The following TXNRD3 variants were observed in gnomAD, a reference collection of about 807,000 sequenced individuals.
The protein encoded by TXNRD3 is thioredoxin reductase 3.
A neutral mutation model predicts 78.2 loss-of-function variants in TXNRD3; 68 were observed. The observed-to-expected ratio is 0.87, with a 90% confidence interval of 0.72 to 1.06. The LOEUF (loss-of-function observed/expected upper bound fraction) is 1.06, where lower values mean the gene tolerates loss of function less well. TXNRD3 is among the 50% of genes least tolerant of loss of function. The probability of loss-of-function intolerance (pLI) is 0.00; values close to 1 mark genes in which losing one functional copy is unlikely to be tolerated. For synonymous variants in TXNRD3, 296 were observed against 300.1 expected (o/e 0.99, Z 0.14); for missense variants, 751 against 809.5 (o/e 0.93, Z 0.88).
chr3:126,628,424 A>T (rs565223911), intron 10 of TXNRD3, among the ~76,000 whole-genome samples: 6 of 152,244 alleles, frequency 3.9e-5, no homozygotes, highest in African/African-American at 1.4e-4. Flanking sequence ...ATGTGTACAC[A>T]GGAAATCTGA....
At chr3:126,622,954 G>C (rs534870488) in intron 10 of TXNRD3, among the ~76,000 whole-genome samples, 2 of 152,264 alleles carry the variant, frequency 1.3e-5, no homozygotes, top group African/African-American at 4.8e-5. Context: ...GACACAAGGA[G>C]AAGACAGTCA....
chr3:126,634,135 T>G, intron 6 of TXNRD3, 84 bp from the exon 7 acceptor site: 2 of 1,208,220 alleles, frequency 1.7e-6, no homozygotes, highest in Non-Finnish European at 2.1e-6. Flanking sequence ...TGAGCCATAC[T>G]AACAGTGCTT....
intron 10 of TXNRD3, among the ~76,000 whole-genome samples, chr3:126,625,433 G>T (rs36164839): frequency 0.2 from 30,232 of 150,972 alleles, 3,262 homozygotes; most frequent in Admixed American, 0.29. Flanking sequence ...GCAACAGTTT[G>T]CTCAGAATGA....
At chr3:126,612,811 C>G (rs1370809860) in intron 13 of TXNRD3, among the ~76,000 whole-genome samples, 4 of 152,240 alleles carry the variant, frequency 2.6e-5, no homozygotes, top group African/African-American at 9.6e-5. Context: ...ATTCAACTTC[C>G]AACTTTACAT....
chr3:126,647,927 T>A (rs930032757), intron 1 of TXNRD3, among the ~76,000 whole-genome samples: 12 of 152,284 alleles, frequency 7.9e-5, no homozygotes, highest in African/African-American at 2.9e-4. Flanking sequence ...AGTTAAATTA[T>A]CTCTGTTCAC....
chr3:126,614,958 G>A (rs1241756605), intron 13 of TXNRD3, among the ~76,000 whole-genome samples: 1 of 152,104 alleles, frequency 6.6e-6, no homozygotes, highest in Non-Finnish European at 1.5e-5. Flanking sequence ...ATAAAGGTGT[G>A]TAGAGGGCGT....
At chr3:126,631,986 C>A in intron 7 of TXNRD3, 107 bp from the exon 8 acceptor site, 1 of 689,452 alleles carries the variant, frequency 1.5e-6, no homozygotes, top group Admixed American at 2.5e-5. Flanking sequence ...ACAGCAACAG[C>A]AGACATGTGA....
At chr3:126,621,940 A>G in intron 11 of TXNRD3, 42 bp from the exon 12 acceptor site, 1 of 1,420,364 alleles carries the variant, frequency 7.0e-7, no homozygotes, top group East Asian at 2.6e-5. Flanking sequence ...ATTACAACTC[A>G]CTCTACACTG....
At chr3:126,621,651 T>G in intron 12 of TXNRD3, 91 bp downstream of exon 12, 1 of 1,259,540 alleles carries the variant, frequency 7.9e-7, no homozygotes, top group Non-Finnish European at 1.1e-6. Flanking sequence ...AACCCTTTAC[T>G]TGGAAAACAG....
chr3:126,611,052 G>A lies in TXNRD3; in HGVS notation c.1713C>T (p.Cys571=). 1 of 1,515,192 alleles carries A rather than the reference G, an allele frequency of 6.6e-7. No homozygotes were observed. Among genetic ancestry groups the A allele is most frequent in the Non-Finnish European group, 8.8e-7 (1 of 1,135,682 alleles). 93.9% of individuals were successfully genotyped at this position (1,515,192 alleles called of 1,614,324 possible). ...TATTACATACATGGTCGAATTTATT[G>A]CAGATTATCTTTGCATAACAAGTGT... is the stretch of plus-strand genomic sequence containing the variant. Residue 571 remains cysteine (C), a synonymous_variant, in exon 14 of 16, where the codon TGC becomes TGT. Coordinates refer to ENST00000524230, the MANE Select transcript of TXNRD3 (RefSeq NM_052883.3).
rs1251955593 is a variant in TXNRD3, at chr3:126,607,434, CTG to C, written c.*469_*470del. The C allele has an allele frequency of 6.6e-6, 1 of 152,454 alleles. No homozygotes were observed. The highest frequency in any genetic ancestry group is 2.4e-5 in the African/African-American group (1 of 41,472). The allele number at this position is 152,454 out of a possible 1,614,324, so 9.4% of individuals were successfully genotyped here. ...TGCAGCCCACAGCAGCCCACAGACA[CTG>C]TTCACCAGTGAGCATGTGTGAATTC... On this transcript the variant is annotated 3_prime_UTR_variant, in exon 16 of 16. Transcript: ENST00000524230.
Position 126,608,594 on chromosome 3 carries a change from C to T in TXNRD3, c.1768G>A (p.Gly590Ser), listed in dbSNP as rs867335291. ...GCTGCAAATCCTTGGGTAACCTCAC[C>T]GGCGTTTGGTCCAAGAATATGAAAT... The change falls in exon 15 of 16, where the codon GGT (glycine) becomes AGT (serine). Residue 590 changes from glycine to serine, a missense_variant. Coordinates refer to ENST00000524230, the MANE Select transcript of TXNRD3 (RefSeq NM_052883.3). 5.2e-6 allele frequency: 8 copies of T among 1,535,814 alleles called. No individual in the cohort carries two copies. The highest frequency in any genetic ancestry group is 1.4e-5 in the African/African-American group (1 of 73,112).
chr3:126,650,771 C>G (rs1002892965), intron 1 of TXNRD3, among the ~76,000 whole-genome samples: 1 of 152,174 alleles, frequency 6.6e-6, no homozygotes, highest in African/African-American at 2.4e-5. Flanking sequence ...CGTTATCTAT[C>G]TTTGCTGATA....
intron 10 of TXNRD3, chr3:126,625,122 A>T (rs1373494524): frequency 6.5e-6 from 1 of 154,466 alleles, no homozygotes; most frequent in East Asian, 1.9e-4. Context: ...TTTTCCAAAG[A>T]CCACTTTGGA....
intron 13 of TXNRD3, among the ~76,000 whole-genome samples, chr3:126,612,751 C>T (rs1412665853): frequency 6.6e-6 from 1 of 152,130 alleles, no homozygotes; most frequent in Non-Finnish European, 1.5e-5. Context: ...GAAGATTTTA[C>T]TATATTTAAA....
intron 13 of TXNRD3, among the ~76,000 whole-genome samples, chr3:126,613,818 A>T (rs1006458143): frequency 1.3e-5 from 2 of 152,240 alleles, no homozygotes; most frequent in African/African-American, 2.4e-5. Context: ...ATGTGATATG[A>T]CTATGATACT....
At chr3:126,645,517 T>C (rs528073731) in intron 3 of TXNRD3, among the ~76,000 whole-genome samples, 54 of 150,538 alleles carry the variant, frequency 3.6e-4, no homozygotes, top group Non-Finnish European at 7.1e-4. Flanking sequence ...TAATTCTTAA[T>C]TAAAGTCTCA....
intron 3 of TXNRD3, 111 bp from the exon 4 acceptor site, chr3:126,644,512 A>C (rs1933183776): frequency 1.4e-6 from 1 of 739,516 alleles, no homozygotes; most frequent in Admixed American, 3.0e-5. Context: ...ATCTTAGGAA[A>C]AATCTATAAT....
Position 126,607,793 on chromosome 3 carries a change from T to G in TXNRD3, c.*112A>C. On this transcript the variant is annotated 3_prime_UTR_variant, in exon 16 of 16. Transcript: ENST00000524230. ...TAAGTGTCGTAAGACAGCCCTGCAC[T>G]GGTCCCTGAGTAACAGAGCAGCTGT... 1 of 816,030 alleles carries G rather than the reference T, an allele frequency of 1.2e-6. No individual in the cohort carries two copies. The highest frequency in any genetic ancestry group is 2.4e-5 in the South Asian group (1 of 41,868). The allele number at this position is 816,030 out of a possible 1,614,324, so 50.5% of individuals were successfully genotyped here. A position where few individuals can be genotyped will look rare whatever the true frequency, so the allele number is the denominator to read the frequency against.
Sources: allele counts gnomAD v4.1 joint callset (sites outside exome capture counted in the v4.1 genomes callset), GRCh38; gene constraint gnomAD v4.1.1; transcripts MANE v1.5; gene names NCBI Gene and HGNC (gene_info 2026-07-23, HGNC 2026-07-21).